The following TEX11 variants were observed in gnomAD, a reference collection of about 807,000 sequenced individuals.
TEX11 encodes testis expressed 11.
In TEX11, 7 loss-of-function variants were observed where a neutral mutation model predicts 84.4. The observed-to-expected ratio is 0.08, with a 90% CI of 0.05 to 0.16. The LOEUF (loss-of-function observed/expected upper bound fraction) is 0.16, where lower values mean the gene tolerates loss of function less well. Ranked by LOEUF, TEX11 falls within the 10% of genes least tolerant of loss-of-function variation. The pLI, the probability that TEX11 is intolerant of heterozygous loss-of-function variation, is 1.00. For missense variants in TEX11, 551 were observed against 660.5 expected (o/e 0.83, Z 1.82); for synonymous variants, 264 against 222.8 (o/e 1.18, Z -1.64).
chrX:70,685,301 G>C (rs2090179122), intron 13 of TEX11, among the ~76,000 whole-genome samples: 2 of 112,009 alleles, frequency 1.8e-5, no homozygotes, highest in African/African-American at 6.5e-5. Context: ...AGGAGACACA[G>C]GTTGCAGTGA....
intron 25 of TEX11, among the ~76,000 whole-genome samples, chrX:70,579,497 A>C (rs1203199836): frequency 1.6e-4 from 7 of 42,484 alleles, no homozygotes; most frequent in African/African-American, 6.4e-4. Context: ...ACTCCGTCTC[A>C]AAAACAAAAA....
chrX:70,868,153 C>G (rs1236832414), intron 4 of TEX11, among the ~76,000 whole-genome samples: 2 of 111,633 alleles, frequency 1.8e-5, no homozygotes, highest in East Asian at 5.6e-4. Context: ...TATCCAGAAT[C>G]TACAAGGAAC....
the TEX11 span, among the ~76,000 whole-genome samples, chrX:70,518,164 GC>G: frequency 9.0e-6 from 1 of 110,704 alleles, no homozygotes; most frequent in Non-Finnish European, 1.9e-5. Context: ...CCTTCTGCTA[GC>G]TTTTGAATGT....
chrX:70,699,317 C>A (rs752530536), intron 13 of TEX11, among the ~76,000 whole-genome samples: 1 of 111,558 alleles, frequency 9.0e-6, no homozygotes, highest in Non-Finnish European at 1.9e-5. Context: ...GCAATAACCA[C>A]CTAAGTTGAG....
rs777467008 is a variant in TEX11, at chrX:70,651,338, A to G, written c.1483+112T>C. The G allele has an allele frequency of 2.4e-5, 11 of 453,268 alleles. No individual in the cohort carries two copies. The East Asian group carries it at 3.9e-4, about 16-fold the overall frequency. 37.4% of individuals were successfully genotyped at this position (453,268 alleles called of 1,213,427 possible). ...CACCTTTACATAGGAAAGACAGAAC[A>G]TATATTCAATTCTATTGTCTTAAAA... On this transcript the variant is annotated intron_variant, in intron 17 of 29. Transcript: ENST00000374333.
chrX:70,629,047 G>A (rs922264660), intron 18 of TEX11, among the ~76,000 whole-genome samples: 1 of 112,172 alleles, frequency 8.9e-6, no homozygotes, highest in Admixed American at 9.4e-5. Context: ...TGCAAAGGAT[G>A]AAATTAAGAT....
At position 70,725,354 on chromosome X, in the gene TEX11, C is replaced by A; in HGVS notation, c.844-11G>T. The A allele has an allele frequency of 9.0e-7, 1 of 1,105,967 alleles. No individual in the cohort carries two copies. The highest frequency in any genetic ancestry group is 1.2e-6 in the Non-Finnish European group (1 of 810,935). The allele number at this position is 1,105,967 out of a possible 1,213,427, so 91.1% of individuals were successfully genotyped here. On this transcript the variant is annotated splice_polypyrimidine_tract_variant and intron_variant, in intron 11 of 29. Transcript: ENST00000374333. ...AGAACTTAAATGTTCCTATTTTAAA[C>A]AAAGAAATCACAATGATATTAAAAT...
At chrX:70,513,251 G>T in the TEX11 span, among the ~76,000 whole-genome samples, 1 of 105,306 alleles carries the variant, frequency 9.5e-6, no homozygotes, top group African/African-American at 3.5e-5. Flanking sequence ...TACTCAGGAG[G>T]CTGATGCAGG....
intron 7 of TEX11, among the ~76,000 whole-genome samples, chrX:70,850,146 TG>T (rs1449703980): frequency 8.9e-6 from 1 of 112,156 alleles, no homozygotes; most frequent in East Asian, 2.8e-4. Context: ...CATTCCATCC[TG>T]TGGAGTTTAA....
intron 17 of TEX11, among the ~76,000 whole-genome samples, chrX:70,638,917 G>A (rs1027825782): frequency 2.7e-5 from 3 of 110,327 alleles, no homozygotes; most frequent in African/African-American, 9.9e-5. Context: ...GAGCCAAGAT[G>A]GCCGAATAGG....
At chrX:70,521,253 T>A in the TEX11 span, among the ~76,000 whole-genome samples, 1 of 110,654 alleles carries the variant, frequency 9.0e-6, no homozygotes, top group African/African-American at 3.3e-5. Flanking sequence ...CCAGAGCTGT[T>A]CCTATTTGGC....
intron 24 of TEX11, among the ~76,000 whole-genome samples, chrX:70,595,524 A>G (rs1168609317): frequency 8.9e-6 from 1 of 111,875 alleles, no homozygotes; most frequent in East Asian, 2.8e-4. Flanking sequence ...GTTAATAGGA[A>G]TAGCATTTCT....
intron 14 of TEX11, among the ~76,000 whole-genome samples, chrX:70,679,203 G>T (rs1569397773): frequency 8.9e-6 from 1 of 112,869 alleles, no homozygotes; most frequent in Non-Finnish European, 1.9e-5. Flanking sequence ...GGCATCCTGA[G>T]GTGCCGGGAT....
At chrX:70,553,277 A>G (rs2088242530) in intron 27 of TEX11, 29 bp downstream of exon 27, 2 of 1,044,298 alleles carry the variant, frequency 1.9e-6, no homozygotes, top group Non-Finnish European at 2.6e-6. Flanking sequence ...TCTTTTGGCT[A>G]GCAAAAAGGC....
intron 9 of TEX11, among the ~76,000 whole-genome samples, chrX:70,777,649 C>A (rs1355476802): frequency 9.0e-6 from 1 of 111,104 alleles, no homozygotes; most frequent in Non-Finnish European, 1.9e-5. Context: ...AACTCCATCT[C>A]AAAAAATAAC....
the TEX11 span, among the ~76,000 whole-genome samples, chrX:70,521,496 C>T: frequency 3.6e-5 from 4 of 111,240 alleles, no homozygotes; most frequent in Admixed American, 9.6e-5. Context: ...AGGCTCATCT[C>T]GAACTCCTGA....
intron 3 of TEX11, among the ~76,000 whole-genome samples, chrX:70,878,345 G>T (rs1039870502): frequency 9.1e-6 from 1 of 109,743 alleles, no homozygotes. Context: ...GCTAATTTTT[G>T]TATTTTTAGT....
intron 13 of TEX11, among the ~76,000 whole-genome samples, chrX:70,710,960 C>A (rs915051078): frequency 9.3e-6 from 1 of 107,998 alleles, no homozygotes; most frequent in Admixed American, 1.0e-4. Flanking sequence ...CACAACAGGC[C>A]CCAGTGTGTG....
chrX:70,680,576 A>C (rs1454836479), intron 14 of TEX11, among the ~76,000 whole-genome samples: 1 of 27,357 alleles, frequency 3.7e-5, no homozygotes, highest in Non-Finnish European at 1.4e-4. Context: ...AAGAATGATC[A>C]ATTAAAAAAA....
Sources: gnomAD v4.1 joint callset for allele counts (sites outside exome capture counted in the v4.1 genomes callset) on GRCh38, gnomAD v4.1.1 for gene constraint, MANE v1.5 for transcripts, NCBI Gene and HGNC (gene_info 2026-07-23, HGNC 2026-07-21) for gene names.